The following ERO1A variants were observed in gnomAD, a reference collection of about 807,000 sequenced individuals.
The protein encoded by ERO1A is ERO1-like protein alpha.
ERO1A carries 49 observed loss-of-function variants against 76.9 expected under a neutral mutation model. That is an observed-to-expected ratio of 0.64 (90% CI 0.51 to 0.81). The LOEUF (loss-of-function observed/expected upper bound fraction) is 0.81, where lower values mean the gene tolerates loss of function less well. ERO1A is among the 30% of genes least tolerant of loss of function. The pLI is 0.00. For missense variants in ERO1A, 448 were observed against 542.1 expected, an observed-to-expected ratio of 0.83 and a Z score of 1.72; for synonymous variants, 174 against 181.2, an observed-to-expected ratio of 0.96 and a Z score of 0.32.
intron 4 of ERO1A, among the ~76,000 whole-genome samples, chr14:52,677,948 T>C (rs1050000295): frequency 2.0e-5 from 3 of 151,894 alleles, no homozygotes; most frequent in Middle Eastern, 3.4e-3. Context: ...CTATTTTTAT[T>C]TATCTTTGAT....
In ERO1A at chr14:52,653,071, G is replaced by T. The variant is rs752521942; in HGVS notation, c.1053C>A (p.Ile351=). 2 of 1,487,868 alleles carry T rather than the reference G, an allele frequency of 1.3e-6. No individual in the cohort carries two copies. Among genetic ancestry groups the T allele is most frequent in the East Asian group, 2.3e-5 (1 of 43,992 alleles). 92.2% of individuals were successfully genotyped at this position (1,487,868 alleles called of 1,614,324 possible). The change falls in exon 12 of 16, where the codon ATC becomes ATA. Residue 351 remains isoleucine, a splice_region_variant and synonymous_variant. Transcript: ENST00000395686. ...KMLLLEILHE[I]KSFPLHFDEN... is the part of the protein sequence containing the mutation. ...ATAAAGTTTAATATATAATTTACTT[G>T]ATTTCATGAAGTATTTCCAGAAGTA... is the stretch of plus-strand genomic sequence containing the variant.
chr14:52,667,880 G>A (rs2040463808), intron 6 of ERO1A, among the ~76,000 whole-genome samples: 1 of 151,708 alleles, frequency 6.6e-6, no homozygotes, highest in Non-Finnish European at 1.5e-5. Context: ...ACAAAAATAT[G>A]AGCACAAAAG....
intron 13 of ERO1A, 72 bp downstream of exon 13, chr14:52,652,167 T>C (rs1306535925): frequency 3.2e-6 from 3 of 942,906 alleles, no homozygotes; most frequent in Non-Finnish European, 5.1e-6. Context: ...TCTACTTCTA[T>C]GAGTACTATA....
intron 13 of ERO1A, among the ~76,000 whole-genome samples, chr14:52,651,814 AC>A (rs1289279493): frequency 6.6e-6 from 1 of 152,126 alleles, no homozygotes; most frequent in African/African-American, 2.4e-5. Context: ...CTTAAAATCT[AC>A]ACTTTTGGCA....
chr14:52,675,720 G>A (rs1419395363), intron 4 of ERO1A, among the ~76,000 whole-genome samples: 2 of 151,842 alleles, frequency 1.3e-5, no homozygotes, highest in African/African-American at 2.4e-5. Context: ...CTGTAGCCTC[G>A]ACCTCCCAGA....
chr14:52,689,630 T>C (rs2041291093), intron 1 of ERO1A, among the ~76,000 whole-genome samples: 1 of 151,884 alleles, frequency 6.6e-6, no homozygotes, highest in South Asian at 2.1e-4. Context: ...TTAAAAAAAC[T>C]GAAGATTACA....
intron 11 of ERO1A, among the ~76,000 whole-genome samples, chr14:52,653,889 G>A (rs955946758): frequency 2.0e-5 from 3 of 151,936 alleles, no homozygotes; most frequent in Non-Finnish European, 2.9e-5. Flanking sequence ...CAGAATTTTA[G>A]TTCTGATTTA....
At chr14:52,663,274 G>T (rs1248631259) in intron 8 of ERO1A, among the ~76,000 whole-genome samples, 1 of 151,808 alleles carries the variant, frequency 6.6e-6, no homozygotes, top group Non-Finnish European at 1.5e-5. Context: ...TTTATTTTTT[G>T]ATAATCTAAT....
intron 12 of ERO1A, among the ~76,000 whole-genome samples, chr14:52,652,779 C>G (rs1473377016): frequency 6.6e-6 from 1 of 152,130 alleles, no homozygotes; most frequent in Non-Finnish European, 1.5e-5. Context: ...GGATCAATCA[C>G]TTAAGCCCAG....
At position 52,667,593 on chromosome 14, in the gene ERO1A, G is replaced by A. The variant is rs538241618; in HGVS notation, c.509-1098C>T. On this transcript the variant is annotated intron_variant, in intron 6 of 15. Transcript: ENST00000395686. ...AAAAATTAGCCAGGCATCATGGCACGTGCCTGTGGTCCCAGCTACCCAGGA... is the reference window on the plus strand; with the variant it reads ...AAAAATTAGCCAGGCATCATGGCACATGCCTGTGGTCCCAGCTACCCAGGA... Among the ~76,000 whole-genome samples, 28 of 151,986 alleles carry A rather than the reference G, an allele frequency of 1.8e-4. 1 individual carries two copies. The South Asian group carries it at 5.4e-3, about 29-fold the overall frequency.
intron 13 of ERO1A, among the ~76,000 whole-genome samples, chr14:52,647,453 T>C (rs982263806): frequency 6.6e-5 from 10 of 152,050 alleles, no homozygotes; most frequent in Admixed American, 3.9e-4. Context: ...TACCAAGTTT[T>C]AGAAAAATTT....
At chr14:52,693,002 CTTTTTTT>C (rs559143853) in intron 1 of ERO1A, among the ~76,000 whole-genome samples, 900 of 85,744 alleles carry the variant, frequency 0.01, 12 homozygotes, top group African/African-American at 0.038. Flanking sequence ...AAATAGACAA[CTTTTTTT>C]TTTTTTTTTT....
chr14:52,642,634 T>G lies in ERO1A; in HGVS notation c.*936A>C, dbSNP rs748203763. ...GACTTTCAAATGATTGAGGAAAAAT[T>G]TGTGTGTGTGTGTGTGTGTACAGAG... On this transcript the variant is annotated 3_prime_UTR_variant, in exon 16 of 16. Transcript: ENST00000395686. 5 of 149,970 alleles carry G rather than the reference T, an allele frequency of 3.3e-5. No individual in the cohort carries two copies. Among genetic ancestry groups the G allele is most frequent in the African/African-American group, 7.3e-5 (3 of 40,842 alleles). The allele number at this position is 149,970 out of a possible 1,614,324, so 9.3% of individuals were successfully genotyped here. A position where few individuals can be genotyped will look rare whatever the true frequency, so the allele number is the denominator to read the frequency against.
rs114268892 is a variant in ERO1A, at chr14:52,658,016, A to C, written c.716-7T>G. ...CTTTTTTCTACACAGAGACCTAAGA[A>C]AAAGCAGTGACTTAGAAATAAAATT... On this transcript the variant is annotated splice_polypyrimidine_tract_variant and splice_region_variant and intron_variant, in intron 10 of 15. Coordinates refer to ENST00000395686, the MANE Select transcript of ERO1A (RefSeq NM_014584.3). 769 of 1,590,650 alleles carry C rather than the reference A, an allele frequency of 4.8e-4. 6 individuals are homozygous for C. In the African/African-American group the frequency reaches 9.3e-3, roughly 19 times the overall value.
At chr14:52,652,917 C>A in intron 12 of ERO1A, 152 bp downstream of exon 12, 1 of 553,128 alleles carries the variant, frequency 1.8e-6, no homozygotes, top group Admixed American at 3.1e-5. Context: ...ACTGCTTGAG[C>A]CCAGGAAATC....
chr14:52,685,994 T>G (rs2041164633), intron 1 of ERO1A, among the ~76,000 whole-genome samples: 1 of 152,256 alleles, frequency 6.6e-6, no homozygotes, highest in Admixed American at 6.5e-5. Context: ...GGAGGATCAC[T>G]TGAGGTCAGG....
At chr14:52,651,429 T>C (rs2039863083) in intron 13 of ERO1A, among the ~76,000 whole-genome samples, 1 of 152,198 alleles carries the variant, frequency 6.6e-6, no homozygotes, top group South Asian at 2.1e-4. Context: ...ATTGGATCCA[T>C]TTCCTTTATT....
intron 9 of ERO1A, among the ~76,000 whole-genome samples, chr14:52,659,828 C>CT (rs1232553980): frequency 2.1e-5 from 3 of 141,320 alleles, no homozygotes; most frequent in East Asian, 4.6e-4. Flanking sequence ...TCTGTGTGTC[C>CT]TTTTTAAAAA....
At chr14:52,685,581 C>A in intron 1 of ERO1A, among the ~76,000 whole-genome samples, 1 of 151,998 alleles carries the variant, frequency 6.6e-6, no homozygotes, top group South Asian at 2.1e-4. Flanking sequence ...CTGCAAAGGC[C>A]AAAGGGACAT....
Sources: gnomAD v4.1 joint callset for allele counts (sites outside exome capture counted in the v4.1 genomes callset) on GRCh38, gnomAD v4.1.1 for gene constraint, MANE v1.5 for transcripts, NCBI Gene and HGNC (gene_info 2026-07-23, HGNC 2026-07-21) for gene names.